Variants in UNC80 observed in about 807,000 individuals in gnomAD.
UNC80 encodes unc-80 subunit of NALCN channel complex.
UNC80 carries 164 observed loss-of-function variants against 384.6 expected under a neutral mutation model. The observed-to-expected ratio is 0.43, with a 90% confidence interval of 0.38 to 0.49. The LOEUF is 0.49. UNC80 is among the 20% of genes least tolerant of loss of function. The pLI is 0.00. For synonymous variants in UNC80, 1,486 were observed against 1,527.8 expected, an observed-to-expected ratio of 0.97 and a Z score of 0.64; for missense variants, 3,330 against 4,143.0, an observed-to-expected ratio of 0.80 and a Z score of 5.39.
intron 7 of UNC80, chr2:209,795,386 G>C (rs2078089302): frequency 6.6e-6 from 1 of 152,236 alleles, no homozygotes; most frequent in Non-Finnish European, 1.5e-5. Context: ...CAGAAAATTT[G>C]CAGCCTGACT....
intron 25 of UNC80, among the ~76,000 whole-genome samples, chr2:209,887,062 G>A (rs923909446): frequency 1.3e-5 from 2 of 151,820 alleles, no homozygotes; most frequent in Non-Finnish European, 2.9e-5. Flanking sequence ...TTTTGACAGA[G>A]TTTCCCTCTT....
In UNC80 at chr2:209,825,971, C is replaced by G; in HGVS notation, c.2396C>G (p.Ser799Cys). 1 of 1,550,982 alleles carries G rather than the reference C, an allele frequency of 6.4e-7. No homozygotes were observed. The highest frequency in any genetic ancestry group is 8.7e-7 in the Non-Finnish European group (1 of 1,146,540). The change falls in exon 14 of 65, where the codon TCT (serine) becomes TGT (cysteine). Residue 799 changes from serine to cysteine, a missense_variant. Physicochemically the swap from Ser to Cys is moderately radical, Grantham distance 112. Coordinates refer to ENST00000673920, the MANE Select transcript of UNC80 (RefSeq NM_001371986.1). Reference sequence around the variant, plus strand: ...ACAATGCTCATCAAAATAGTGAAGTCTTTGGGATGTGCCTATGGTTGTGGT... The same window carrying G: ...ACAATGCTCATCAAAATAGTGAAGTGTTTGGGATGTGCCTATGGTTGTGGT... ...ALTMLIKIVK[S>C]LGCAYGCGEG...
intron 28 of UNC80, among the ~76,000 whole-genome samples, chr2:209,904,351 C>T (rs2124930282): frequency 6.6e-6 from 1 of 152,332 alleles, no homozygotes; most frequent in Middle Eastern, 3.4e-3. Flanking sequence ...TGTCCCACAG[C>T]TGTCAAAGGT....
Position 209,957,671 on chromosome 2 carries a change from G to A in UNC80, c.7485G>A (p.Arg2495=), listed in dbSNP as rs1373701616. 1.9e-6 allele frequency: 3 copies of A among 1,551,362 alleles called. No homozygotes were observed. In the African/African-American group the frequency reaches 4.1e-5, roughly 21 times the overall value. Residue 2495 remains arginine, a synonymous_variant, in exon 49 of 65, where the codon AGG becomes AGA. Transcript: ENST00000673920. ...CCATGACAGCCCCACAGATGAGCAG[G>A]TGTGACCAAGGTCATAAGGGAACCA... ...TRPMTAPQMS[R]CDQGHKGTTT...
chr2:209,986,306 A>G (rs1304067377), intron 61 of UNC80, among the ~76,000 whole-genome samples: 1 of 152,192 alleles, frequency 6.6e-6, no homozygotes, highest in African/African-American at 2.4e-5. Flanking sequence ...CCACTTAGCT[A>G]GCTTTGTGCT....
chr2:209,837,936 T>C (rs2153829069), intron 18 of UNC80, among the ~76,000 whole-genome samples: 1 of 152,186 alleles, frequency 6.6e-6, no homozygotes, highest in Middle Eastern at 3.4e-3. Flanking sequence ...CGCACCCTGC[T>C]AATTTTTTGT....
chr2:209,847,292 A>G (rs2082237407), intron 21 of UNC80, among the ~76,000 whole-genome samples: 1 of 152,066 alleles, frequency 6.6e-6, no homozygotes, highest in East Asian at 1.9e-4. Flanking sequence ...ATGGCAAAAA[A>G]TAAAGAAAAT....
chr2:209,813,384 A>G (rs911960335), intron 7 of UNC80, among the ~76,000 whole-genome samples, 196 bp from the exon 8 acceptor site: 1 of 152,180 alleles, frequency 6.6e-6, no homozygotes, highest in Non-Finnish European at 1.5e-5. Flanking sequence ...AACTCTCTCA[A>G]TATCTCTACT....
chr2:209,992,344 A>T, intron 62 of UNC80, 97 bp downstream of exon 62: 1 of 1,187,860 alleles, frequency 8.4e-7, no homozygotes, highest in Non-Finnish European at 1.2e-6. Context: ...TTGCTGCTGG[A>T]CGTGCCCGGA....
At chr2:209,803,256 T>G (rs1189490145) in intron 7 of UNC80, among the ~76,000 whole-genome samples, 1 of 152,206 alleles carries the variant, frequency 6.6e-6, no homozygotes, top group Non-Finnish European at 1.5e-5. Flanking sequence ...TCAAGGGCGT[T>G]TCTCCTAAAA....
chr2:209,815,573 A>G (rs2079677374), intron 9 of UNC80, among the ~76,000 whole-genome samples, 182 bp downstream of exon 9: 1 of 152,122 alleles, frequency 6.6e-6, no homozygotes, highest in African/African-American at 2.4e-5. Context: ...CTCTGTGTGA[A>G]TGAGTGAACT....
intron 26 of UNC80, among the ~76,000 whole-genome samples, chr2:209,890,204 T>A (rs2124910048): frequency 6.6e-6 from 1 of 152,336 alleles, no homozygotes; most frequent in South Asian, 2.1e-4. Context: ...TATGTCTATG[T>A]TTCTATGTGT....
In UNC80 at chr2:209,816,930, C is replaced by T. The variant is rs2079784643; in HGVS notation, c.1357C>T (p.Arg453Ter). The stretch of plus-strand genomic sequence containing the variant: ...GTAGTTCAAGAGCCGCAAAGAAGAC[C>T]GAGAGAGGAAAGGCTCCATTCCATT... ...FKKFKSRKED[R>*]ERKGSIPFHH... The change falls in exon 10 of 65, where the codon CGA (arginine) becomes TGA (stop). Residue 453 changes from arginine (R) to a stop codon, truncating the protein, a stop_gained. Transcript: ENST00000673920. LOFTEE classifies it high-confidence loss of function. The T allele has an allele frequency of 6.4e-7, 1 of 1,551,608 alleles. No individual in the cohort carries two copies. Among genetic ancestry groups the T allele is most frequent in the Non-Finnish European group, 8.7e-7 (1 of 1,146,978 alleles).
intron 41 of UNC80, 60 bp downstream of exon 41, chr2:209,936,993 G>C: frequency 1.7e-6 from 2 of 1,201,760 alleles, no homozygotes; most frequent in Non-Finnish European, 2.4e-6. Context: ...ATGCCTACCT[G>C]AGGGTGGCTC....
chr2:209,854,393 A>G (rs1299002199), intron 22 of UNC80, among the ~76,000 whole-genome samples: 1 of 152,114 alleles, frequency 6.6e-6, no homozygotes, highest in East Asian at 1.9e-4. Flanking sequence ...TCATTCACCT[A>G]TTGATGGATA....
At chr2:209,856,006 A>G (rs2082886254) in intron 22 of UNC80, among the ~76,000 whole-genome samples, 1 of 152,160 alleles carries the variant, frequency 6.6e-6, no homozygotes, top group Non-Finnish European at 1.5e-5. Flanking sequence ...ACCTATGAGT[A>G]AAATTATTGA....
intron 51 of UNC80, among the ~76,000 whole-genome samples, chr2:209,966,149 C>T (rs972854341): frequency 2.0e-5 from 3 of 152,122 alleles, no homozygotes; most frequent in Non-Finnish European, 4.4e-5. Context: ...CCTAACTCAA[C>T]ATGTACTGAT....
intron 7 of UNC80, among the ~76,000 whole-genome samples, chr2:209,805,829 C>T (rs997469923): frequency 6.6e-6 from 1 of 152,170 alleles, no homozygotes; most frequent in African/African-American, 2.4e-5. Flanking sequence ...CTTTGGATCA[C>T]ACCAACTAAT....
At chr2:209,984,234 T>C (rs2093230720) in intron 60 of UNC80, among the ~76,000 whole-genome samples, 1 of 152,222 alleles carries the variant, frequency 6.6e-6, no homozygotes, top group Non-Finnish European at 1.5e-5. Flanking sequence ...CACTAGAGGA[T>C]GGAGAGTAAG....
Sources: gnomAD v4.1 joint callset for allele counts (sites outside exome capture counted in the v4.1 genomes callset) on GRCh38, gnomAD v4.1.1 for gene constraint, MANE v1.5 for transcripts, NCBI Gene and HGNC (gene_info 2026-07-23, HGNC 2026-07-21) for gene names.